The following DIAPH2 variants were observed in gnomAD, a reference collection of about 807,000 sequenced individuals.
DIAPH2 encodes protein diaphanous homolog 2.
Under a neutral mutation model 92.7 loss-of-function variants are expected in DIAPH2, and 35 were observed. The observed-to-expected ratio is 0.38, with a 90% confidence interval of 0.29 to 0.50. The LOEUF (loss-of-function observed/expected upper bound fraction) is 0.50, where lower values mean the gene tolerates loss of function less well. Among genes scored for constraint, DIAPH2 ranks in the 20% least tolerant of loss-of-function variants. The pLI, the probability that DIAPH2 is intolerant of heterozygous loss-of-function variation, is 0.94. For missense variants in DIAPH2, 701 were observed against 819.5 expected (o/e 0.86, Z 1.77); for synonymous variants, 301 against 280.4 (o/e 1.07, Z -0.73).
At chrX:97,002,473 T>A (rs969312935) in intron 17 of DIAPH2, among the ~76,000 whole-genome samples, 1 of 111,342 alleles carries the variant, frequency 9.0e-6, no homozygotes, top group East Asian at 2.8e-4. Flanking sequence ...CAAGACCATA[T>A]TGATTCATAG....
At chrX:97,370,052 A>G (rs2069430348) in intron 24 of DIAPH2, among the ~76,000 whole-genome samples, 1 of 111,743 alleles carries the variant, frequency 8.9e-6, no homozygotes, top group Non-Finnish European at 1.9e-5. Flanking sequence ...CATGAGTGAA[A>G]GAGGCTTGTT....
chrX:97,405,834 G>A (rs1418843624), intron 25 of DIAPH2, among the ~76,000 whole-genome samples: 2 of 111,548 alleles, frequency 1.8e-5, no homozygotes, highest in Non-Finnish European at 3.8e-5. Context: ...AAACAGAAAG[G>A]TAATATCCTA....
chrX:96,808,873 G>C (rs1602525286), intron 4 of DIAPH2, among the ~76,000 whole-genome samples: 1 of 111,518 alleles, frequency 9.0e-6, no homozygotes, highest in Non-Finnish European at 1.9e-5. Flanking sequence ...CGTGATGCCA[G>C]AGATTGTATT....
chrX:96,947,509 T>G (rs187476111), intron 14 of DIAPH2, among the ~76,000 whole-genome samples: 1 of 110,688 alleles, frequency 9.0e-6, no homozygotes, highest in East Asian at 2.8e-4. Context: ...TTAAAGAAAT[T>G]AGAGAATATT....
intron 25 of DIAPH2, among the ~76,000 whole-genome samples, chrX:97,408,582 A>T (rs1195041037): frequency 1.8e-5 from 2 of 111,650 alleles, no homozygotes; most frequent in East Asian, 5.6e-4. Context: ...ATTAATATGT[A>T]TTTATAAAAA....
At chrX:96,832,815 A>C (rs949106606) in intron 4 of DIAPH2, among the ~76,000 whole-genome samples, 16 of 111,575 alleles carry the variant, frequency 1.4e-4, no homozygotes, top group Non-Finnish European at 2.4e-4. Context: ...GGAAATTCTT[A>C]GTTTTCAAAG....
intron 4 of DIAPH2, among the ~76,000 whole-genome samples, chrX:96,813,415 GTC>G (rs1274514758): frequency 9.1e-6 from 1 of 109,325 alleles, no homozygotes; most frequent in Non-Finnish European, 1.9e-5. Context: ...GCCTATGTGT[GTC>G]TCTGCACGTG....
chrX:96,911,156 A>G (rs936760746), intron 5 of DIAPH2, among the ~76,000 whole-genome samples: 2 of 111,663 alleles, frequency 1.8e-5, no homozygotes, highest in African/African-American at 6.5e-5. Flanking sequence ...TTTAAAATGT[A>G]TTAAGTAGTC....
At chrX:97,387,999 C>T (rs1474345467) in intron 25 of DIAPH2, among the ~76,000 whole-genome samples, 1 of 111,873 alleles carries the variant, frequency 8.9e-6, no homozygotes, top group African/African-American at 3.3e-5. Context: ...CTAACCATAT[C>T]GGCTTGGGGA....
intron 5 of DIAPH2, among the ~76,000 whole-genome samples, chrX:96,887,263 TTTTTAAAGTTCA>T (rs1323256072): frequency 8.9e-6 from 1 of 111,862 alleles, no homozygotes; most frequent in Non-Finnish European, 1.9e-5. Context: ...AGGTAGCAGA[TTTTTAAAGTTCA>T]TTTTGAACAC....
intron 26 of DIAPH2, among the ~76,000 whole-genome samples, chrX:97,579,586 T>G (rs2147878755): frequency 9.0e-6 from 1 of 111,406 alleles, no homozygotes; most frequent in Non-Finnish European, 1.9e-5. Context: ...TAGTATAGTT[T>G]GAAGTCAGGT....
chrX:96,869,499 T>C (rs2065125006), intron 4 of DIAPH2, among the ~76,000 whole-genome samples: 1 of 109,262 alleles, frequency 9.2e-6, no homozygotes, highest in African/African-American at 3.4e-5. Context: ...GAGGCGCAGG[T>C]TGCAGTGAGC....
chrX:97,580,055 AAGG>A (rs1488126813), intron 26 of DIAPH2, among the ~76,000 whole-genome samples: 1 of 111,871 alleles, frequency 8.9e-6, no homozygotes, highest in African/African-American at 3.3e-5. Flanking sequence ...CTGTCAGCTT[AAGG>A]AGATTTTGAG....
chrX:97,226,911 A>G (rs904506471), intron 22 of DIAPH2, among the ~76,000 whole-genome samples: 6 of 111,698 alleles, frequency 5.4e-5, no homozygotes, highest in Non-Finnish European at 9.4e-5. Flanking sequence ...ACCTAATATA[A>G]TCAGAATTGA....
At chrX:97,505,957 A>T (rs1336136504) in intron 26 of DIAPH2, among the ~76,000 whole-genome samples, 1 of 109,805 alleles carries the variant, frequency 9.1e-6, no homozygotes, top group Non-Finnish European at 1.9e-5. Context: ...TGCTTTGATT[A>T]TAGTTAACAA....
rs5967162 is a variant in DIAPH2 at position 97,218,320 on chromosome X, C to T, written c.2720-29395C>T. On this transcript the variant is annotated intron_variant, in intron 22 of 26. Transcript: ENST00000324765. ...GACCAGACTGGTCCCAAACTCCTGA[C>T]CTCAGGTGATCTGCCTGCCTCGGCC... Among the ~76,000 whole-genome samples the T allele has an allele frequency of 3.8e-3, 423 of 111,332 alleles. 3 individuals carry two copies. The highest frequency in any genetic ancestry group is 0.013 in the African/African-American group (396 of 30,663).
intron 17 of DIAPH2, among the ~76,000 whole-genome samples, chrX:97,064,040 G>A (rs1436875835): frequency 1.8e-5 from 2 of 111,933 alleles, no homozygotes; most frequent in Non-Finnish European, 3.8e-5. Context: ...GAAAAAGTTC[G>A]CTGACCTTCT....
At chrX:97,464,157 A>G (rs755400377) in intron 26 of DIAPH2, among the ~76,000 whole-genome samples, 2 of 108,742 alleles carry the variant, frequency 1.8e-5, no homozygotes, top group South Asian at 8.2e-4. Flanking sequence ...CCAAAATGGA[A>G]AAGTTAGAAA....
intron 1 of DIAPH2, among the ~76,000 whole-genome samples, chrX:96,728,479 G>A (rs2064035754): frequency 8.9e-6 from 1 of 111,796 alleles, no homozygotes; most frequent in African/African-American, 3.3e-5. Context: ...CCAAAGTGCT[G>A]GTAGTACAGG....
Sources: allele counts gnomAD v4.1 joint callset (sites outside exome capture counted in the v4.1 genomes callset), GRCh38; gene constraint gnomAD v4.1.1; transcripts MANE v1.5; gene names NCBI Gene and HGNC (gene_info 2026-07-23, HGNC 2026-07-21).